Variants in NLGN1 observed in about 807,000 individuals in gnomAD.
NLGN1 encodes the protein neuroligin 1.
Under a neutral mutation model 65.5 loss-of-function variants are expected in NLGN1, and 12 were observed. The observed-to-expected ratio is 0.18, with a 90% confidence interval of 0.12 to 0.30. NLGN1 has a LOEUF of 0.30. NLGN1 is among the 10% of genes least tolerant of loss of function. The pLI is 1.00. For synonymous variants in NLGN1, 350 were observed against 359.5 expected, an observed-to-expected ratio of 0.97 and a Z score of 0.30; for missense variants, 750 against 1,007.1, an observed-to-expected ratio of 0.74 and a Z score of 3.46.
intron 3 of NLGN1, among the ~76,000 whole-genome samples, chr3:173,758,036 G>T (rs1777400925): frequency 6.6e-6 from 1 of 151,912 alleles, no homozygotes. Context: ...CTTTTAGAAG[G>T]CAGTTAAGAT....
upstream of NLGN1, chr3:173,396,747 G>C (rs1170245825): frequency 1.3e-5 from 2 of 152,178 alleles, no homozygotes; most frequent in African/African-American, 4.8e-5. Context: ...TTAATCCCGG[G>C]GATTGCCGAG....
chr3:173,900,630 A>C (rs549149548), intron 4 of NLGN1, among the ~76,000 whole-genome samples: 2 of 152,182 alleles, frequency 1.3e-5, no homozygotes, highest in South Asian at 4.1e-4. Context: ...TCCAATTTTT[A>C]ATAGGCAAGA....
intron 3 of NLGN1, among the ~76,000 whole-genome samples, chr3:173,644,986 G>A (rs1181875720): frequency 1.3e-5 from 2 of 152,208 alleles, no homozygotes; most frequent in Non-Finnish European, 2.9e-5. Flanking sequence ...GTGGTGGGAG[G>A]CTGTGGGTAA....
chr3:173,521,711 G>T (rs1474263555), intron 2 of NLGN1, among the ~76,000 whole-genome samples: 1 of 152,076 alleles, frequency 6.6e-6, no homozygotes, highest in Non-Finnish European at 1.5e-5. Flanking sequence ...AAATACTCCT[G>T]TAGCATTTAT....
At chr3:173,697,158 T>C (rs1052766842) in intron 3 of NLGN1, among the ~76,000 whole-genome samples, 5 of 152,238 alleles carry the variant, frequency 3.3e-5, no homozygotes, top group African/African-American at 1.2e-4. Flanking sequence ...TTCTACTCAC[T>C]AACATATAGA....
intron 3 of NLGN1, among the ~76,000 whole-genome samples, chr3:173,691,021 A>T (rs1765387918): frequency 6.6e-6 from 1 of 152,124 alleles, no homozygotes; most frequent in African/African-American, 2.4e-5. Flanking sequence ...TACCTGACGA[A>T]ATATTAACTG....
chr3:173,439,181 A>G (rs896043896), intron 2 of NLGN1, among the ~76,000 whole-genome samples: 2 of 152,180 alleles, frequency 1.3e-5, no homozygotes, highest in African/African-American at 2.4e-5. Context: ...TTTCCCCCAT[A>G]GCACATATCA....
At chr3:173,630,626 C>A (rs991668686) in intron 3 of NLGN1, among the ~76,000 whole-genome samples, 12 of 151,922 alleles carry the variant, frequency 7.9e-5, no homozygotes, top group African/African-American at 2.9e-4. Context: ...TATCATCCTT[C>A]AAAATTTCTT....
intron 4 of NLGN1, among the ~76,000 whole-genome samples, chr3:173,872,504 A>G (rs1245959896): frequency 6.6e-6 from 1 of 152,174 alleles, no homozygotes; most frequent in Non-Finnish European, 1.5e-5. Context: ...TGTTAAACAG[A>G]AAATTTATTC....
At chr3:173,958,463 A>C (rs1317125181) in intron 4 of NLGN1, among the ~76,000 whole-genome samples, 2 of 151,300 alleles carry the variant, frequency 1.3e-5, no homozygotes, top group Non-Finnish European at 2.9e-5. Context: ...TTGTCCACTC[A>C]TTTACTCAGC....
chr3:173,671,362 G>A (rs1426492378), intron 3 of NLGN1, among the ~76,000 whole-genome samples: 2 of 152,048 alleles, frequency 1.3e-5, no homozygotes, highest in East Asian at 3.9e-4. Context: ...TTAGTCTGTA[G>A]TCCCAGCTAC....
chr3:173,554,768 C>T (rs1741443853), intron 2 of NLGN1, among the ~76,000 whole-genome samples: 1 of 152,112 alleles, frequency 6.6e-6, no homozygotes, highest in African/African-American at 2.4e-5. Context: ...AGTGGAATTT[C>T]TGGTTTTTAG....
chr3:173,880,969 G>A (rs900386033), intron 4 of NLGN1, among the ~76,000 whole-genome samples: 23 of 152,058 alleles, frequency 1.5e-4, no homozygotes, highest in African/African-American at 3.4e-4. Context: ...CATCTATACC[G>A]GGAGTGGATT....
chr3:174,221,920 T>C (rs1205851382), intron 4 of NLGN1, among the ~76,000 whole-genome samples: 3 of 152,152 alleles, frequency 2.0e-5, no homozygotes, highest in African/African-American at 7.2e-5. Context: ...TTTTTTGTTT[T>C]GTTTTTCATT....
chr3:174,127,146 C>G (rs1719113046), intron 4 of NLGN1, among the ~76,000 whole-genome samples: 2 of 152,086 alleles, frequency 1.3e-5, no homozygotes, highest in South Asian at 4.1e-4. Context: ...ACCATCATGA[C>G]TCATCAAGCT....
At chr3:173,397,569 C>A (rs900175218), upstream of NLGN1, among the ~76,000 whole-genome samples, 2 of 151,832 alleles carry the variant, frequency 1.3e-5, no homozygotes, top group African/African-American at 4.8e-5. Context: ...TCTTCATTGG[C>A]GTCTTCGGAG....
At chr3:173,872,549 G>C in intron 4 of NLGN1, among the ~76,000 whole-genome samples, 1 of 152,138 alleles carries the variant, frequency 6.6e-6, no homozygotes, top group East Asian at 1.9e-4. Flanking sequence ...TTTGGTGTGA[G>C]TTTGTGTGTC....
At chr3:173,723,643 A>C (rs1169860899) in intron 3 of NLGN1, among the ~76,000 whole-genome samples, 1 of 152,210 alleles carries the variant, frequency 6.6e-6, no homozygotes, top group African/African-American at 2.4e-5. Flanking sequence ...AATATAAGAC[A>C]CTTTTTAATT....
At chr3:173,546,584 T>A (rs941095001) in intron 2 of NLGN1, among the ~76,000 whole-genome samples, 2 of 152,174 alleles carry the variant, frequency 1.3e-5, no homozygotes, top group South Asian at 2.1e-4. Flanking sequence ...TAAATTATAT[T>A]CCACTAGATC....
Sources: allele counts gnomAD v4.1 joint callset (sites outside exome capture counted in the v4.1 genomes callset), GRCh38; gene constraint gnomAD v4.1.1; transcripts MANE v1.5; gene names NCBI Gene and HGNC (gene_info 2026-07-23, HGNC 2026-07-21).